The following CUEDC1 variants were observed in gnomAD, a reference collection of about 807,000 sequenced individuals.
The protein encoded by CUEDC1 is CUE domain containing 1.
A neutral mutation model predicts 43.7 loss-of-function variants in CUEDC1; 30 were observed. That is an observed-to-expected ratio of 0.69 (90% CI 0.51 to 0.93). The LOEUF is 0.93. Ranked by LOEUF, CUEDC1 falls within the 40% of genes least tolerant of loss-of-function variation. CUEDC1 has a pLI of 0.00. For missense variants in CUEDC1, 486 were observed against 549.0 expected (o/e 0.89, Z 1.15); for synonymous variants, 223 against 223.6 (o/e 1.00, Z 0.02).
At chr17:57,951,395 A>G (rs1427313699) in intron 1 of CUEDC1, among the ~76,000 whole-genome samples, 1 of 152,162 alleles carries the variant, frequency 6.6e-6, no homozygotes, top group Non-Finnish European at 1.5e-5. Context: ...CAACTAAGCT[A>G]TGATGAAAAT....
intron 2 of CUEDC1, among the ~76,000 whole-genome samples, chr17:57,881,654 G>A (rs556465508): frequency 5.8e-4 from 89 of 152,320 alleles, no homozygotes; most frequent in African/African-American, 2.0e-3. Context: ...TGAGGTGGGT[G>A]AGCAGGGGAG....
At chr17:57,896,490 GTGTGT>G (rs373345631) in intron 1 of CUEDC1, among the ~76,000 whole-genome samples, 7,686 of 88,308 alleles carry the variant, frequency 0.087, 395 homozygotes, top group South Asian at 0.14. Flanking sequence ...ATTATGGGGT[GTGTGT>G]GTGTGTGTGT....
intron 1 of CUEDC1, among the ~76,000 whole-genome samples, chr17:57,937,511 T>A (rs575940576): frequency 4.6e-4 from 69 of 151,236 alleles, no homozygotes; most frequent in Non-Finnish European, 7.8e-4. Flanking sequence ...CTCAGGAGGC[T>A]GAGGCAGGAG....
intron 1 of CUEDC1, among the ~76,000 whole-genome samples, chr17:57,915,488 T>C (rs908814434): frequency 1.3e-5 from 2 of 152,118 alleles, no homozygotes; most frequent in African/African-American, 4.8e-5. Context: ...CTTTTTTTAA[T>C]GAATGGGCAG....
intron 1 of CUEDC1, among the ~76,000 whole-genome samples, chr17:57,950,837 G>C (rs773583963): frequency 6.6e-5 from 10 of 152,096 alleles, no homozygotes; most frequent in Admixed American, 4.6e-4. Context: ...CTTCCTCCAG[G>C]GAACTCTGCC....
intron 2 of CUEDC1, among the ~76,000 whole-genome samples, chr17:57,882,815 T>C (rs1031130872): frequency 2.0e-5 from 3 of 152,222 alleles, no homozygotes; most frequent in Non-Finnish European, 4.4e-5. Flanking sequence ...CTTACTTTAT[T>C]GTAGGAATAC....
At chr17:57,953,933 C>T (rs2075030776) in intron 1 of CUEDC1, among the ~76,000 whole-genome samples, 1 of 152,184 alleles carries the variant, frequency 6.6e-6, no homozygotes, top group Admixed American at 6.5e-5. Context: ...CTCCCAGCAG[C>T]ACCTCTCCAT....
chr17:57,919,184 A>G (rs564826190), intron 1 of CUEDC1, among the ~76,000 whole-genome samples: 2 of 149,888 alleles, frequency 1.3e-5, no homozygotes, highest in Non-Finnish European at 3.0e-5. Flanking sequence ...TTCTTAATTA[A>G]TTTTTCTTTT....
Position 57,885,481 on chromosome 17 carries a change from G to A in CUEDC1, c.84C>T (p.Ala28=), listed in dbSNP as rs777632632. 4.5e-6 allele frequency: 7 copies of A among 1,566,500 alleles called. No homozygotes were observed. The highest frequency in any genetic ancestry group is 6.0e-6 in the Non-Finnish European group (7 of 1,161,426). ...AGARGGGGGT[A]APQELNNSRP... is the part of the protein sequence containing the mutation. ...GGCTGTTGTTGAGCTCCTGGGGGGC[G>A]GCCGTGCCTCCCCCGCCCCCGCGTG... is the stretch of plus-strand genomic sequence containing the variant. Residue 28 remains alanine, a synonymous_variant, in exon 2 of 11, where the codon GCC becomes GCT. Transcript: ENST00000577830.
intron 1 of CUEDC1, among the ~76,000 whole-genome samples, chr17:57,893,151 T>C (rs1416207964): frequency 3.3e-5 from 5 of 152,108 alleles, no homozygotes; most frequent in Admixed American, 1.3e-4. Flanking sequence ...GTAACCATGG[T>C]TGAGTCCTGC....
At chr17:57,949,896 C>T (rs2074990459) in intron 1 of CUEDC1, among the ~76,000 whole-genome samples, 1 of 152,142 alleles carries the variant, frequency 6.6e-6, no homozygotes, top group South Asian at 2.1e-4. Flanking sequence ...GGGCCTGCAG[C>T]CAGACTTCCT....
chr17:57,889,627 G>A (rs566854040), intron 1 of CUEDC1, among the ~76,000 whole-genome samples: 1 of 152,252 alleles, frequency 6.6e-6, no homozygotes, highest in East Asian at 1.9e-4. Flanking sequence ...GACACACAGC[G>A]AGTAAAGGCA....
At chr17:57,915,584 A>G (rs2074631196) in intron 1 of CUEDC1, among the ~76,000 whole-genome samples, 2 of 152,222 alleles carry the variant, frequency 1.3e-5, no homozygotes. Flanking sequence ...CAGTTTATCA[A>G]ACCAGCAGGG....
At chr17:57,900,724 T>C (rs1235843657) in intron 1 of CUEDC1, among the ~76,000 whole-genome samples, 1 of 152,238 alleles carries the variant, frequency 6.6e-6, no homozygotes, top group Admixed American at 6.5e-5. Context: ...TGAAATTGCA[T>C]GTACATGTCA....
chr17:57,929,624 G>A (rs922230906), intron 1 of CUEDC1, among the ~76,000 whole-genome samples: 4 of 152,114 alleles, frequency 2.6e-5, no homozygotes, highest in African/African-American at 4.8e-5. Flanking sequence ...CATGCTCATC[G>A]GTTCCTGAAC....
chr17:57,867,629 G>C, intron 8 of CUEDC1: 3 of 587,946 alleles, frequency 5.1e-6, no homozygotes, highest in Non-Finnish European at 9.2e-6. Flanking sequence ...TTACATCTCT[G>C]GGGATGGAGA....
At position 57,894,615 on chromosome 17, in the gene CUEDC1, A is replaced by G. The variant is rs148885910; in HGVS notation, c.-315-8736T>C. ...GAACCAGGAGGCAGAGGTTGCAGTG[A>G]GCCAAGATCACACCACTGTACTCCA... On this transcript the variant is annotated intron_variant, in intron 1 of 10. Coordinates refer to ENST00000577830, the MANE Select transcript of CUEDC1 (RefSeq NM_001271875.2). 2.1e-3 allele frequency among the ~76,000 whole-genome samples: 322 copies of G among 152,350 alleles called. 1 individual carries two copies. The highest frequency in any genetic ancestry group is 3.8e-3 in the Non-Finnish European group (259 of 68,042).
chr17:57,917,643 CAG>C (rs1456662863), intron 1 of CUEDC1, among the ~76,000 whole-genome samples: 1 of 152,298 alleles, frequency 6.6e-6, no homozygotes, highest in East Asian at 1.9e-4. Context: ...GAGACAGGCA[CAG>C]AGAGGTAAAT....
intron 1 of CUEDC1, among the ~76,000 whole-genome samples, chr17:57,926,060 C>T (rs1486588819): frequency 6.6e-6 from 1 of 152,192 alleles, no homozygotes; most frequent in Admixed American, 6.5e-5. Context: ...GACCCTGGAA[C>T]ATGGGGATAA....
Sources: gnomAD v4.1 joint callset for allele counts (sites outside exome capture counted in the v4.1 genomes callset) on GRCh38, gnomAD v4.1.1 for gene constraint, MANE v1.5 for transcripts, NCBI Gene and HGNC (gene_info 2026-07-23, HGNC 2026-07-21) for gene names.